The following MATK variants were observed in gnomAD, a reference collection of about 807,000 sequenced individuals.
MATK encodes the protein megakaryocyte-associated tyrosine kinase.
MATK carries 41 observed loss-of-function variants against 59.8 expected under a neutral mutation model. That is an observed-to-expected ratio of 0.69 (90% CI 0.53 to 0.89). The LOEUF (loss-of-function observed/expected upper bound fraction) is 0.89, where lower values mean the gene tolerates loss of function less well. MATK is among the 40% of genes least tolerant of loss of function. The pLI is 0.00. For missense variants in MATK, 593 were observed against 719.6 expected, an observed-to-expected ratio of 0.82 and a Z score of 2.01; for synonymous variants, 308 against 306.1, an observed-to-expected ratio of 1.01 and a Z score of -0.06.
rs2037425542 is a variant in MATK at position 3,783,207 on chromosome 19, C to T, written c.595G>A (p.Asp199Asn). ...AGCTTGGTGCAGATAGCGCCCTTGT[C>T]CTTGCTGTAATGCTGCAGGATGGTG... ...LMDMVEHYSKDKGAICTKLVR... is the reference protein window; with the variant it reads ...LMDMVEHYSKNKGAICTKLVR... The change falls in exon 7 of 14, where the codon GAC becomes AAC. Residue 199 changes from aspartate to asparagine, a missense_variant. By Grantham distance (23) the Asp-to-Asn change is conservative (BLOSUM62 1). Coordinates refer to ENST00000310132, the MANE Select transcript of MATK (RefSeq NM_139355.3). 6.2e-7 allele frequency: 1 copy of T among 1,601,830 alleles called. No homozygotes were observed. The highest frequency in any genetic ancestry group is 8.5e-7 in the Non-Finnish European group (1 of 1,172,206).
intron 1 of MATK, among the ~76,000 whole-genome samples, chr19:3,798,876 G>T (rs2037618829): frequency 6.6e-6 from 1 of 151,806 alleles, no homozygotes; most frequent in African/African-American, 2.4e-5. Context: ...CGTGATCATA[G>T]GTCACTGCAG....
intron 1 of MATK, chr19:3,793,533 C>T (rs1267144425): frequency 6.6e-6 from 1 of 152,268 alleles, no homozygotes; most frequent in Non-Finnish European, 1.5e-5. Flanking sequence ...GAAACCCCGT[C>T]TCTACTAAAA....
rs755224369 is a variant in MATK at position 3,778,336 on chromosome 19, C to T, written c.1371G>A (p.Met457Ile). 4 of 1,580,704 alleles carry T rather than the reference C, an allele frequency of 2.5e-6. No individual in the cohort carries two copies. Among genetic ancestry groups the T allele is most frequent in the Admixed American group, 2.0e-5 (1 of 50,840 alleles). ...CGGGCTCTGCCTCCCAGCAGCTGCT[C>T]ATGAGGACGTGCACGGGGCCTGGAC... ...EGCPGPVHVLMSSCWEAEPAR... is the reference protein window; with the variant it reads ...EGCPGPVHVLISSCWEAEPAR... Residue 457 changes from methionine (M) to isoleucine (I), a missense_variant, in exon 14 of 14, where the codon ATG becomes ATA. By Grantham distance (10) the Met-to-Ile change is conservative. Transcript: ENST00000310132.
rs1218882958 is a variant in MATK at position 3,779,464 on chromosome 19, G to A, written c.928-13C>T. On this transcript the variant is annotated splice_polypyrimidine_tract_variant and intron_variant, in intron 10 of 13. Coordinates refer to ENST00000310132, the MANE Select transcript of MATK (RefSeq NM_139355.3). Reference sequence around the variant, plus strand: ...TCACCAGGTTGCCCTGTTGGGGGTGGGAGATGGCCGCGGGATGTTGGGGCT... The same window carrying A: ...TCACCAGGTTGCCCTGTTGGGGGTGAGAGATGGCCGCGGGATGTTGGGGCT... 21 of 1,612,820 alleles carry A rather than the reference G, an allele frequency of 1.3e-5. No individual in the cohort carries two copies. The highest frequency in any genetic ancestry group is 1.7e-5 in the Non-Finnish European group (20 of 1,179,916).
In MATK at chr19:3,783,282, C is replaced by T. The variant is rs116733061; in HGVS notation, c.583-63G>A. The T allele has an allele frequency of 6.3e-4, 349 of 558,384 alleles. No homozygotes were observed. The African/African-American group carries it at 7.1e-3, about 11-fold the overall frequency. 34.6% of individuals were successfully genotyped at this position (558,384 alleles called of 1,614,324 possible). ...GGAGGGGAACCCCAGCATCCTGTTC[C>T]GTTCCCGGGTGGCCTCTGGGTGGGG... On this transcript the variant is annotated intron_variant, in intron 6 of 13. Coordinates refer to ENST00000310132, the MANE Select transcript of MATK (RefSeq NM_139355.3).
chr19:3,788,226 C>T (rs1599203823), upstream of MATK, among the ~76,000 whole-genome samples: 1 of 151,504 alleles, frequency 6.6e-6, no homozygotes, highest in Admixed American at 6.6e-5. Flanking sequence ...CAGTGGCTCA[C>T]GCCTGTAATC....
At chr19:3,782,990 G>C (rs1392745223) in intron 7 of MATK, 136 bp downstream of exon 7, 1 of 735,696 alleles carries the variant, frequency 1.4e-6, no homozygotes, top group Admixed American at 2.4e-5. Flanking sequence ...GGCAGCCCAG[G>C]TCTTCTATCC....
upstream of MATK, among the ~76,000 whole-genome samples, chr19:3,788,619 C>CAAAAA (rs1171553701): frequency 1.4e-5 from 1 of 70,286 alleles, no homozygotes; most frequent in African/African-American, 5.2e-5. Context: ...ACTCTGTCTC[C>CAAAAA]AAAAAAAAAA....
intron 8 of MATK, 96 bp downstream of exon 8, chr19:3,781,511 G>T: frequency 7.8e-7 from 1 of 1,275,940 alleles, no homozygotes; most frequent in Non-Finnish European, 1.1e-6. Context: ...ACTAGTAGGT[G>T]GTTAAGTATG....
chr19:3,778,090 C>T lies in MATK; in HGVS notation c.*93G>A, dbSNP rs2037340376. The stretch of plus-strand genomic sequence containing the variant: ...CTGTGGGCACCAGGAGGATGACTTG[C>T]CCGCCTGGACCCTCCTTGGGCCTGG... On this transcript the variant is annotated 3_prime_UTR_variant, in exon 14 of 14. Coordinates refer to ENST00000310132, the MANE Select transcript of MATK (RefSeq NM_139355.3). 4 of 1,472,798 alleles carry T rather than the reference C, an allele frequency of 2.7e-6. No individual in the cohort carries two copies. The South Asian group carries it at 5.5e-5, about 20-fold the overall frequency. The allele number at this position is 1,472,798 out of a possible 1,614,324, so 91.2% of individuals were successfully genotyped here.
At position 3,779,871 on chromosome 19, in the gene MATK, G is replaced by T. The variant is rs1182438349; in HGVS notation, c.743-74C>A. 4.4e-6 allele frequency: 4 copies of T among 901,626 alleles called. No individual in the cohort carries two copies. In the Admixed American group the frequency reaches 6.9e-5, roughly 15 times the overall value. The allele number at this position is 901,626 out of a possible 1,614,324, so 55.9% of individuals were successfully genotyped here. A position where few individuals can be genotyped will look rare whatever the true frequency, so the allele number is the denominator to read the frequency against. ...CAGGGACAGAGAGACAGACGGACAG[G>T]CCCGCTCACACCGGTGCCCATGTAA... is the stretch of plus-strand genomic sequence containing the variant. On this transcript the variant is annotated intron_variant, in intron 8 of 13. Transcript: ENST00000310132.
At chr19:3,800,627 C>G (rs944323680) in intron 1 of MATK, among the ~76,000 whole-genome samples, 10 of 151,524 alleles carry the variant, frequency 6.6e-5, no homozygotes, top group African/African-American at 2.4e-4. Flanking sequence ...GCCTGGGCAA[C>G]GGGAGCAAAA....
chr19:3,779,856 GAGAC>G (rs2037374959), intron 8 of MATK, 59 bp from the exon 9 acceptor site: 6 of 1,048,714 alleles, frequency 5.7e-6, no homozygotes, highest in Non-Finnish European at 9.0e-6. Context: ...CAGGGACAGA[GAGAC>G]AGACGGACAG....
chr19:3,783,727 C>T (rs1044374019), intron 6 of MATK, 87 bp downstream of exon 6: 228 of 1,281,140 alleles, frequency 1.8e-4, no homozygotes, highest in Admixed American at 4.5e-4. Flanking sequence ...TCAGGTGACC[C>T]GCCCCTCTAT....
upstream of MATK, among the ~76,000 whole-genome samples, chr19:3,789,919 G>C (rs532328958): frequency 3.4e-5 from 5 of 147,222 alleles, no homozygotes; most frequent in East Asian, 7.9e-4. Flanking sequence ...GTATTTTTTT[G>C]AGATAGGGTC....
Position 3,784,137 on chromosome 19 carries a change from G to A in MATK, c.349C>T (p.Leu117Phe). 6.2e-7 allele frequency: 1 copy of A among 1,611,440 alleles called. No homozygotes were observed. Among genetic ancestry groups the A allele is most frequent in the Non-Finnish European group, 8.5e-7 (1 of 1,178,586 alleles). The part of the protein sequence containing the change: ...EREALSADPK[L>F]SLMPWFHGKI... ...CTGCCCACTCACGGCATGAGGCTGAGCTTGGGGTCTGCGGAGAGGGCCTCC... is the reference window on the plus strand; with the variant it reads ...CTGCCCACTCACGGCATGAGGCTGAACTTGGGGTCTGCGGAGAGGGCCTCC... The change falls in exon 5 of 14, where the codon CTC (leucine) becomes TTC (phenylalanine). Residue 117 changes from leucine (L) to phenylalanine (F), a missense_variant. Transcript: ENST00000310132.
rs1181941429 is a variant in MATK at position 3,778,615 on chromosome 19, G to A, written c.1198-20C>T. On this transcript the variant is annotated intron_variant, in intron 12 of 13. Coordinates refer to ENST00000310132, the MANE Select transcript of MATK (RefSeq NM_139355.3). ...GAACTTCTGTGGGGCCCGAGACGGGGGTGAGGAGGGACCCCTCAGGTTTTC... is the reference window on the plus strand; with the variant it reads ...GAACTTCTGTGGGGCCCGAGACGGGAGTGAGGAGGGACCCCTCAGGTTTTC... 1.9e-6 allele frequency: 3 copies of A among 1,594,488 alleles called. No homozygotes were observed. The African/African-American group carries it at 4.0e-5, about 21-fold the overall frequency.
rs1370066067 is a variant in MATK at position 3,784,908 on chromosome 19, T to A, written c.73-24A>T. Reference sequence around the variant, plus strand: ...ACCTGGGGAGGGGACAGAGTCCAGGTGGGAGCTGGGCTGGGACCCACGGTC... The same window carrying A: ...ACCTGGGGAGGGGACAGAGTCCAGGAGGGAGCTGGGCTGGGACCCACGGTC... On this transcript the variant is annotated intron_variant, in intron 2 of 13. Transcript: ENST00000310132. 2.7e-6 allele frequency: 4 copies of A among 1,492,644 alleles called. No homozygotes were observed. In the African/African-American group the frequency reaches 5.6e-5, roughly 21 times the overall value. 92.5% of individuals were successfully genotyped at this position (1,492,644 alleles called of 1,614,324 possible). A position where few individuals can be genotyped will look rare whatever the true frequency, so the allele number is the denominator to read the frequency against.
upstream of MATK, among the ~76,000 whole-genome samples, chr19:3,789,977 C>T (rs2037525213): frequency 6.6e-6 from 1 of 152,164 alleles, no homozygotes; most frequent in South Asian, 2.1e-4. Flanking sequence ...TCTCAGCTCA[C>T]TGCAACCTCC....
Sources: allele counts gnomAD v4.1 joint callset (sites outside exome capture counted in the v4.1 genomes callset), GRCh38; gene constraint gnomAD v4.1.1; transcripts MANE v1.5; gene names NCBI Gene and HGNC (gene_info 2026-07-23, HGNC 2026-07-21).